Variants in TSPEAR observed in about 807,000 individuals in gnomAD.
The protein encoded by TSPEAR is thrombospondin-type laminin G domain and EAR repeat-containing protein.
A neutral mutation model predicts 71.6 loss-of-function variants in TSPEAR; 69 were observed. That is an observed-to-expected ratio of 0.96 (90% CI 0.79 to 1.18). TSPEAR has a LOEUF of 1.18. Among genes scored for constraint, TSPEAR ranks in the 50% most tolerant of loss-of-function variants. TSPEAR has a pLI of 0.00. For synonymous variants in TSPEAR, 402 were observed against 387.2 expected, an observed-to-expected ratio of 1.04 and a Z score of -0.45; for missense variants, 971 against 894.9, an observed-to-expected ratio of 1.09 and a Z score of -1.09.
intron 9 of TSPEAR, among the ~76,000 whole-genome samples, chr21:44,512,400 G>C (rs1489864457): frequency 6.6e-6 from 1 of 151,982 alleles, no homozygotes; most frequent in Non-Finnish European, 1.5e-5. Flanking sequence ...CTTGGAGACA[G>C]GCTTCTGGAG....
In TSPEAR at chr21:44,612,146, A is replaced by T. The variant is rs782329609; in HGVS notation, c.83-44141T>A. On this transcript the variant is annotated intron_variant, in intron 1 of 11. Transcript: ENST00000323084. The surrounding 1 kb of genome is among the most constrained non-coding windows in gnomAD (Gnocchi z 4.1). ...CAGGACGTATGTGATTGCTGCATCC[A>T]CCATGTCTGTCTGCTCCAGTGACGT... 6.2e-7 allele frequency: 1 copy of T among 1,613,974 alleles called. No homozygotes were observed. The highest frequency in any genetic ancestry group is 1.1e-5 in the South Asian group (1 of 91,070).
At position 44,508,530 on chromosome 21, in the gene TSPEAR, T is replaced by G. The variant is rs1399324982; in HGVS notation, c.1754+669A>C. 7.2e-5 allele frequency: 80 copies of G among 1,106,448 alleles called. No individual in the cohort carries two copies. The Admixed American group carries it at 3.3e-3, about 45-fold the overall frequency. The allele number at this position is 1,106,448 out of a possible 1,614,324, so 68.5% of individuals were successfully genotyped here. Reference sequence around the variant, plus strand: ...AATACGGATTCGATTGCAGGTTTATTCACAGACCGGAATTCCACCCCAGAG... The same window carrying G: ...AATACGGATTCGATTGCAGGTTTATGCACAGACCGGAATTCCACCCCAGAG... On this transcript the variant is annotated intron_variant, in intron 10 of 11. Coordinates refer to ENST00000323084, the MANE Select transcript of TSPEAR (RefSeq NM_144991.3).
intron 1 of TSPEAR, among the ~76,000 whole-genome samples, chr21:44,635,548 T>C (rs1217887813): frequency 1.3e-5 from 2 of 151,882 alleles, no homozygotes; most frequent in Non-Finnish European, 2.9e-5. Context: ...ACATGCTGAG[T>C]GAACAAAGCT....
At chr21:44,633,764 G>A (rs1014510379) in intron 1 of TSPEAR, among the ~76,000 whole-genome samples, 2 of 151,932 alleles carry the variant, frequency 1.3e-5, no homozygotes, top group African/African-American at 2.4e-5. Flanking sequence ...TCTCTATTTC[G>A]TTATTGATCT....
At chr21:44,500,250 G>C (rs781977286) in intron 11 of TSPEAR, among the ~76,000 whole-genome samples, 1 of 152,204 alleles carries the variant, frequency 6.6e-6, no homozygotes, top group Non-Finnish European at 1.5e-5. Context: ...GGCCTCAATC[G>C]TGAGGTGCGT....
intron 1 of TSPEAR, among the ~76,000 whole-genome samples, chr21:44,685,033 C>T (rs1189680148): frequency 6.6e-6 from 1 of 152,294 alleles, no homozygotes; most frequent in Middle Eastern, 3.4e-3. Context: ...CACATGGCCA[C>T]AGATCGGCTC....
intron 1 of TSPEAR, chr21:44,677,997 G>A: frequency 2.0e-6 from 2 of 1,011,450 alleles, no homozygotes; most frequent in Admixed American, 1.8e-5. Flanking sequence ...AGTATCGGCG[G>A]CATGGTCACA....
chr21:44,635,345 C>A (rs367584323), intron 1 of TSPEAR, among the ~76,000 whole-genome samples: 1,792 of 83,312 alleles, frequency 0.022, no homozygotes, highest in African/African-American at 0.024. Context: ...GACTCTGTCT[C>A]AAAAAAAAAA....
chr21:44,518,788 G>A, intron 9 of TSPEAR: 1 of 437,602 alleles, frequency 2.3e-6, no homozygotes, highest in African/African-American at 2.0e-5. Context: ...ATCCCTTCCT[G>A]GTTCTGGCAA....
chr21:44,579,904 G>T, intron 1 of TSPEAR: 1 of 1,613,428 alleles, frequency 6.2e-7, no homozygotes, highest in Non-Finnish European at 8.5e-7. Context: ...ATATGGGGCG[G>T]CAGAGGAGGG....
chr21:44,580,652 G>T, intron 1 of TSPEAR: 2 of 1,473,014 alleles, frequency 1.4e-6, no homozygotes, highest in South Asian at 1.3e-5. Flanking sequence ...AGTGAAGGAG[G>T]GAGTGAGTGA....
At chr21:44,545,733 CA>C (rs2053293743) in intron 2 of TSPEAR, among the ~76,000 whole-genome samples, 1 of 151,742 alleles carries the variant, frequency 6.6e-6, no homozygotes, top group Non-Finnish European at 1.5e-5. Context: ...CACAGCAAAC[CA>C]AAACTTATGA....
At chr21:44,517,512 C>T (rs932443525) in intron 9 of TSPEAR, 5 of 319,758 alleles carry the variant, frequency 1.6e-5, no homozygotes, top group African/African-American at 1.1e-4. Context: ...AGCCAATGAG[C>T]TGTGAGGACA....
intron 1 of TSPEAR, chr21:44,602,119 T>A (rs1159101578): frequency 5.8e-6 from 2 of 344,460 alleles, no homozygotes; most frequent in African/African-American, 4.2e-5. Context: ...TTCTCTGTCT[T>A]CCCTGACCAC....
chr21:44,525,323 AGGTAGTCAGTCG>A (rs1456529971), intron 8 of TSPEAR, among the ~76,000 whole-genome samples: 4 of 152,174 alleles, frequency 2.6e-5, no homozygotes, highest in African/African-American at 9.7e-5. Context: ...TCAGGTAATT[AGGTAGTCAGTCG>A]GGTAGTCAGT....
chr21:44,508,875 C>A (rs1279431213), intron 10 of TSPEAR: 1 of 1,439,224 alleles, frequency 6.9e-7, no homozygotes, highest in Admixed American at 1.8e-5. Context: ...TCGGCTATCC[C>A]TCCGCACGAC....
At chr21:44,532,515 G>A (rs929947342) in intron 3 of TSPEAR, among the ~76,000 whole-genome samples, 1 of 152,236 alleles carries the variant, frequency 6.6e-6, no homozygotes, top group Non-Finnish European at 1.5e-5. Flanking sequence ...TTGGGGTATG[G>A]TGGGAGAGAG....
At chr21:44,500,422 C>T (rs139687342) in intron 11 of TSPEAR, among the ~76,000 whole-genome samples, 35 of 152,362 alleles carry the variant, frequency 2.3e-4, no homozygotes, top group African/African-American at 7.2e-4. Context: ...TGCTGGCCGC[C>T]AGGGTTTGCC....
chr21:44,638,063 T>C, intron 1 of TSPEAR: 1 of 1,613,278 alleles, frequency 6.2e-7, no homozygotes, highest in Non-Finnish European at 8.5e-7. Flanking sequence ...TGCCTCCTCC[T>C]GCCAGCCCAG....
Sources: gnomAD v4.1 joint callset for allele counts (sites outside exome capture counted in the v4.1 genomes callset) on GRCh38, gnomAD v4.1.1 for gene constraint, Gnocchi (gnomAD v3.1) non-coding constraint, MANE v1.5 for transcripts, NCBI Gene and HGNC (gene_info 2026-07-23, HGNC 2026-07-21) for gene names.